The following RERE variants were observed in gnomAD, a reference collection of about 807,000 sequenced individuals.
RERE encodes the protein arginine-glutamic acid dipeptide repeats protein.
Under a neutral mutation model 146.1 loss-of-function variants are expected in RERE, and 40 were observed. The ratio of observed to expected loss-of-function variants is 0.27; its 90% CI spans 0.21 to 0.36. RERE has a LOEUF of 0.36. Among genes scored for constraint, RERE ranks in the 10% least tolerant of loss-of-function variants. RERE has a pLI of 1.00. For missense variants in RERE, 1,933 were observed against 2,138.7 expected, an observed-to-expected ratio of 0.90 and a Z score of 1.90; for synonymous variants, 1,003 against 866.0, an observed-to-expected ratio of 1.16 and a Z score of -2.78.
intron 7 of RERE, among the ~76,000 whole-genome samples, chr1:8,527,882 T>C (rs1366307904): frequency 1.3e-5 from 2 of 152,132 alleles, no homozygotes; most frequent in East Asian, 1.9e-4. Context: ...ACTACCACCA[T>C]GCCAGCCAGC....
intron 12 of RERE, among the ~76,000 whole-genome samples, chr1:8,366,405 T>G (rs1250666274): frequency 2.0e-5 from 3 of 152,192 alleles, no homozygotes; most frequent in Admixed American, 6.5e-5. Flanking sequence ...TTTACAGTAA[T>G]GCCAGTGAAA....
At chr1:8,385,993 AATATATAT>A (rs1553159745) in intron 12 of RERE, among the ~76,000 whole-genome samples, 13 of 26,482 alleles carry the variant, frequency 4.9e-4, no homozygotes, top group Non-Finnish European at 8.5e-4. Context: ...AAAAAAAAAA[AATATATAT>A]ATATATATAT....
chr1:8,465,855 G>T, intron 11 of RERE, 70 bp downstream of exon 11: 1 of 1,269,954 alleles, frequency 7.9e-7, no homozygotes, highest in Non-Finnish European at 1.1e-6. Context: ...TGAGCAGCAG[G>T]GAGGTCACAC....
chr1:8,356,157 TG>T lies in RERE; in HGVS notation c.4428del (p.Asn1477ThrfsTer82), dbSNP rs1291463004. On this transcript the variant is annotated frameshift_variant, in exon 21 of 23. Transcript: ENST00000400908. LOFTEE classifies it high-confidence loss of function. The surrounding 1 kb of genome is among the most constrained non-coding windows in gnomAD (Gnocchi z 5.2). ...TGTGGGGGCTGTCCAAGCAGAGGGTTGGGGAGAGTGCCAGGCGGGTAGGGGA... is the reference window on the plus strand; with the variant it reads ...TGTGGGGGCTGTCCAAGCAGAGGGTTGGGAGAGTGCCAGGCGGGTAGGGGA... ...ARFPYPPGTL[P>X]NPLLGQPPHE... is the part of the protein sequence containing the mutation. 6.6e-7 allele frequency: 1 copy of T among 1,519,788 alleles called. No homozygotes were observed. Among genetic ancestry groups the T allele is most frequent in the Non-Finnish European group, 8.8e-7 (1 of 1,142,390 alleles). 94.1% of individuals were successfully genotyped at this position (1,519,788 alleles called of 1,614,324 possible). A position where few individuals can be genotyped will look rare whatever the true frequency, so the allele number is the denominator to read the frequency against.
chr1:8,702,052 T>G (rs1429803501), intron 1 of RERE, among the ~76,000 whole-genome samples: 1 of 151,398 alleles, frequency 6.6e-6, no homozygotes, highest in African/African-American at 2.4e-5. Flanking sequence ...TACTTTAAAT[T>G]TGGAGTTTCC....
At chr1:8,484,148 G>A (rs1232851725) in intron 10 of RERE, among the ~76,000 whole-genome samples, 1 of 152,158 alleles carries the variant, frequency 6.6e-6, no homozygotes. Flanking sequence ...CAGTTTCTAA[G>A]TAGGAATATA....
intron 1 of RERE, among the ~76,000 whole-genome samples, chr1:8,730,067 T>C (rs1055669244): frequency 6.6e-6 from 1 of 152,202 alleles, no homozygotes; most frequent in Non-Finnish European, 1.5e-5. Flanking sequence ...AGCTTCCAAA[T>C]AGCTATGATA....
intron 1 of RERE, among the ~76,000 whole-genome samples, chr1:8,763,938 T>TAA (rs70985517): frequency 4.3e-4 from 59 of 136,064 alleles, no homozygotes; most frequent in Admixed American, 1.3e-3. Context: ...AGACTCCGTC[T>TAA]AAAAAAAAAA....
At chr1:8,532,503 C>A (rs887622764) in intron 7 of RERE, among the ~76,000 whole-genome samples, 31 of 152,314 alleles carry the variant, frequency 2.0e-4, no homozygotes, top group Admixed American at 2.0e-3. Flanking sequence ...TCACTGCAAC[C>A]TCCACCTCCT....
intron 1 of RERE, among the ~76,000 whole-genome samples, chr1:8,746,551 G>T (rs1233884246): frequency 6.6e-6 from 1 of 152,006 alleles, no homozygotes; most frequent in Admixed American, 6.6e-5. Flanking sequence ...AAACAAAATG[G>T]TTATATGGTA....
At chr1:8,477,787 T>C (rs955915652) in intron 10 of RERE, among the ~76,000 whole-genome samples, 2 of 152,216 alleles carry the variant, frequency 1.3e-5, no homozygotes, top group African/African-American at 2.4e-5. Context: ...CTCAGTGCTT[T>C]GTGATGAGTG....
At chr1:8,740,787 A>AG (rs1227402192) in intron 1 of RERE, among the ~76,000 whole-genome samples, 3 of 152,232 alleles carry the variant, frequency 2.0e-5, no homozygotes, top group African/African-American at 7.2e-5. Flanking sequence ...GAAGGTCTCC[A>AG]GGGTCAATAA....
chr1:8,562,633 C>T (rs1391068921), intron 4 of RERE, among the ~76,000 whole-genome samples: 3 of 152,140 alleles, frequency 2.0e-5, no homozygotes, highest in Non-Finnish European at 4.4e-5. Flanking sequence ...GGAACACAGG[C>T]ACCCAGCTAA....
chr1:8,412,344 G>A (rs1643637834), intron 12 of RERE, among the ~76,000 whole-genome samples: 1 of 152,148 alleles, frequency 6.6e-6, no homozygotes, highest in Non-Finnish European at 1.5e-5. Flanking sequence ...TCCACAGACT[G>A]TTTTCAAGAT....
rs139100806 is a variant in RERE, at chr1:8,384,237, C to G, written c.1285-18263G>C. Among the ~76,000 whole-genome samples the G allele has an allele frequency of 4.2e-3, 636 of 152,248 alleles. 5 individuals are homozygous for G. The highest frequency in any genetic ancestry group is 0.027 in the Middle Eastern group (8 of 294). ...GGCTGTGTGACTGGGAACATGTAAG[C>G]TGGGATGCACGGAGGTCCAGTCTCT... On this transcript the variant is annotated intron_variant, in intron 12 of 22. Transcript: ENST00000400908.
chr1:8,505,079 C>T (rs764153544), intron 8 of RERE, among the ~76,000 whole-genome samples: 1 of 152,140 alleles, frequency 6.6e-6, no homozygotes, highest in African/African-American at 2.4e-5. Flanking sequence ...GCAGAACACC[C>T]TACAGGATGA....
intron 8 of RERE, among the ~76,000 whole-genome samples, chr1:8,504,166 AC>A (rs1430256870): frequency 1.3e-5 from 2 of 152,180 alleles, no homozygotes; most frequent in Admixed American, 1.3e-4. Context: ...AAGAATGAAT[AC>A]CCCAGCACCC....
chr1:8,765,835 C>A (rs1310701893), intron 1 of RERE, among the ~76,000 whole-genome samples: 1 of 152,172 alleles, frequency 6.6e-6, no homozygotes, highest in Non-Finnish European at 1.5e-5. Flanking sequence ...GCCTGCAATC[C>A]CGGCTACCCG....
At chr1:8,485,002 G>C (rs1644880261) in intron 10 of RERE, among the ~76,000 whole-genome samples, 1 of 152,188 alleles carries the variant, frequency 6.6e-6, no homozygotes, top group South Asian at 2.1e-4. Flanking sequence ...AAAGTAGCAA[G>C]TCATGTGGCC....
Sources: gnomAD v4.1 joint callset for allele counts (sites outside exome capture counted in the v4.1 genomes callset) on GRCh38, gnomAD v4.1.1 for gene constraint, Gnocchi (gnomAD v3.1) non-coding constraint, MANE v1.5 for transcripts, NCBI Gene and HGNC (gene_info 2026-07-23, HGNC 2026-07-21) for gene names.